The following CAMK2B variants were observed in gnomAD, a reference collection of about 807,000 sequenced individuals.
CAMK2B encodes the protein calcium/calmodulin dependent protein kinase II beta, also known as calcium/calmodulin-dependent protein kinase type II subunit beta.
Under a neutral mutation model 93.7 loss-of-function variants are expected in CAMK2B, and 27 were observed. The observed-to-expected ratio is 0.29, with a 90% CI of 0.21 to 0.40. CAMK2B has a LOEUF of 0.40. Among genes scored for constraint, CAMK2B ranks in the 10% least tolerant of loss-of-function variants. The probability of loss-of-function intolerance (pLI) is 1.00; values close to 1 mark genes in which losing one functional copy is unlikely to be tolerated. For synonymous variants in CAMK2B, 374 were observed against 358.8 expected (o/e 1.04, Z -0.48); for missense variants, 568 against 895.8 (o/e 0.63, Z 4.67).
chr7:44,246,012 G>A lies in CAMK2B; in HGVS notation c.414+1108C>T, dbSNP rs189706763. 6.4e-4 allele frequency among the ~76,000 whole-genome samples: 97 copies of A among 152,270 alleles called. 2 individuals carry two copies. In the East Asian group the frequency reaches 8.3e-3, roughly 13 times the overall value. On this transcript the variant is annotated intron_variant, in intron 6 of 23. Transcript: ENST00000395749. Reference sequence around the variant, plus strand: ...GAAGGGAGAGAGGAAGGAGCAGAGAGACAGCTAAGCTTCTGAGAGGCCACC... The same window carrying A: ...GAAGGGAGAGAGGAAGGAGCAGAGAAACAGCTAAGCTTCTGAGAGGCCACC...
intron 1 of CAMK2B, among the ~76,000 whole-genome samples, chr7:44,324,319 G>A (rs1429953464): frequency 6.6e-6 from 1 of 152,184 alleles, no homozygotes. Context: ...GGGGGAGGAC[G>A]CAGGAGGATG....
At chr7:44,245,078 A>T (rs750314911) in intron 6 of CAMK2B, 1 of 413,034 alleles carries the variant, frequency 2.4e-6, no homozygotes, top group Non-Finnish European at 4.9e-6. Context: ...AGCCCAGAGC[A>T]GACTTGCTGC....
Position 44,226,664 on chromosome 7 carries a change from A to G in CAMK2B, c.1469-20T>C. 1.3e-6 allele frequency: 2 copies of G among 1,522,372 alleles called. No homozygotes were observed. The allele number at this position is 1,522,372 out of a possible 1,614,324, so 94.3% of individuals were successfully genotyped here. ...TGGGGGCTGGGGCGGAACAGACGAG[A>G]CGTGAACACAAGGCAGGCACGGGGG... is the stretch of plus-strand genomic sequence containing the variant. On this transcript the variant is annotated intron_variant, in intron 19 of 23. Coordinates refer to ENST00000395749, the MANE Select transcript of CAMK2B (RefSeq NM_001220.5).
In CAMK2B at chr7:44,222,983, G is replaced by A. The variant is rs116163907; in HGVS notation, c.1598-2082C>T. On this transcript the variant is annotated intron_variant, in intron 20 of 23. Transcript: ENST00000395749. ...TGCACAGTGACAGCAGGAGGAGCCCGATGGCACCTGAGGAGTGGGGTGCAC... is the reference window on the plus strand; with the variant it reads ...TGCACAGTGACAGCAGGAGGAGCCCAATGGCACCTGAGGAGTGGGGTGCAC... 1.5e-3 allele frequency among the ~76,000 whole-genome samples: 236 copies of A among 152,330 alleles called. 1 individual carries two copies. The highest frequency in any genetic ancestry group is 5.5e-3 in the African/African-American group (228 of 41,566).
rs148742945 is a variant in CAMK2B at position 44,229,855 on chromosome 7, G to A, written c.1226-354C>T. On this transcript the variant is annotated intron_variant, in intron 17 of 23. Coordinates refer to ENST00000395749, the MANE Select transcript of CAMK2B (RefSeq NM_001220.5). ...CAGAGGCCAGGCGCACGGAGAGGGAGTGACAGTCATCGTAGGGGCATGATG... is the reference window on the plus strand; with the variant it reads ...CAGAGGCCAGGCGCACGGAGAGGGAATGACAGTCATCGTAGGGGCATGATG... The A allele has an allele frequency of 2.8e-3, 601 of 212,274 alleles. 6 individuals carry two copies. Among genetic ancestry groups the A allele is most frequent in the African/African-American group, 0.013 (582 of 43,818 alleles). The allele number at this position is 212,274 out of a possible 1,614,324, so 13.1% of individuals were successfully genotyped here. A position where few individuals can be genotyped will look rare whatever the true frequency, so the allele number is the denominator to read the frequency against.
chr7:44,254,539 C>A lies in CAMK2B; in HGVS notation c.341+3G>T. On this transcript the variant is annotated splice_donor_region_variant and intron_variant, in intron 5 of 23. Transcript: ENST00000395749. ...CAGGACAGCGTGAGGGCTCTGCACC[C>A]ACCTGGCATCAGCCTCGCTGTAGTA... is the stretch of plus-strand genomic sequence containing the variant. 1 of 1,609,578 alleles carries A rather than the reference C, an allele frequency of 6.2e-7. No individual in the cohort carries two copies. Among genetic ancestry groups the A allele is most frequent in the South Asian group, 1.1e-5 (1 of 90,974 alleles).
At chr7:44,278,154 C>T (rs1339985436) in intron 2 of CAMK2B, among the ~76,000 whole-genome samples, 3 of 152,142 alleles carry the variant, frequency 2.0e-5, no homozygotes, top group Non-Finnish European at 2.9e-5. Context: ...GTGGGACGAT[C>T]CAGGACAGCT....
chr7:44,323,133 T>C (rs563216742), intron 1 of CAMK2B, among the ~76,000 whole-genome samples: 11 of 152,240 alleles, frequency 7.2e-5, no homozygotes, highest in Admixed American at 5.9e-4. Flanking sequence ...GTCCCTTCCC[T>C]ACCCAAGAGC....
In CAMK2B at chr7:44,220,868, T is replaced by C; in HGVS notation, c.1631A>G (p.Gln544Arg). 6.4e-7 allele frequency: 1 copy of C among 1,573,302 alleles called. No homozygotes were observed. Residue 544 changes from glutamine (Q) to arginine (R), a missense_variant, in exon 21 of 24, where the codon CAG becomes CGG. Gln to Arg is a conservative substitution (Grantham distance 43). This residue lies in a region of CAMK2B where 116 missense variants were observed against 188.0 expected (regional missense o/e 0.62). Coordinates refer to ENST00000395749, the MANE Select transcript of CAMK2B (RefSeq NM_001220.5). ...RKQEIIKTTE[Q>R]LIEAVNNGDF... The stretch of plus-strand genomic sequence containing the variant: ...ACCGTTGTTGACGGCCTCGATGAGC[T>C]GCTCCGTGGTCTTAATGATCTCCTG...
rs542942171 is a variant in CAMK2B at position 44,228,889 on chromosome 7, T to C, written c.1375A>G (p.Arg459Gly). 1.1e-5 allele frequency: 18 copies of C among 1,598,700 alleles called. No individual in the cohort carries two copies. In the East Asian group the frequency reaches 2.7e-4, roughly 24 times the overall value. The change falls in exon 19 of 24, where the codon AGG (arginine) becomes GGG (glycine). Residue 459 changes from arginine (R) to glycine (G), a missense_variant. Transcript: ENST00000395749. ...TCGGCTTCTGGGGTTCCTGAACCCC[T>C]TCTCACAGAGTTCAGGATGTCAGAG... Reference protein sequence around the residue: ...RISDILNSVRRGSGTPEAEGP... With the variant: ...RISDILNSVRGGSGTPEAEGP...
chr7:44,243,241 A>G lies in CAMK2B; in HGVS notation c.601+9T>C. The G allele has an allele frequency of 6.2e-7, 1 of 1,610,522 alleles. No homozygotes were observed. The highest frequency in any genetic ancestry group is 8.5e-7 in the Non-Finnish European group (1 of 1,176,928). On this transcript the variant is annotated intron_variant, in intron 8 of 23. Transcript: ENST00000395749. Reference sequence around the variant, plus strand: ...GCCCTGCCCCGCACCAACTCAGGCCAGGCCTCACCACATGCCCAGATGTCC... The same window carrying G: ...GCCCTGCCCCGCACCAACTCAGGCCGGGCCTCACCACATGCCCAGATGTCC...
At chr7:44,222,243 C>T (rs901085695) in intron 20 of CAMK2B, among the ~76,000 whole-genome samples, 15 of 152,214 alleles carry the variant, frequency 9.9e-5, no homozygotes, top group African/African-American at 1.7e-4. Flanking sequence ...GCACTCCCAG[C>T]ACTGCGCTCT....
Position 44,284,159 on chromosome 7 carries a change from G to A in CAMK2B, c.132C>T (p.Ile44=). 6.2e-7 allele frequency: 1 copy of A among 1,613,830 alleles called. No homozygotes were observed. Among genetic ancestry groups the A allele is most frequent in the South Asian group, 1.1e-5 (1 of 91,054 alleles). Residue 44 remains isoleucine (I), a synonymous_variant, in exon 2 of 24, where the codon ATC becomes ATT. Coordinates refer to ENST00000395749, the MANE Select transcript of CAMK2B (RefSeq NM_001220.5). ...TGGCTGACAGCTTCTTGGTGTTGAT[G>A]ATCTTGGCTGCATACTCATGGCCGG... The part of the protein sequence containing the change: ...LCTGHEYAAK[I]INTKKLSARD...
intron 2 of CAMK2B, among the ~76,000 whole-genome samples, chr7:44,273,486 G>A (rs961017725): frequency 7.2e-5 from 11 of 152,174 alleles, no homozygotes; most frequent in Non-Finnish European, 1.2e-4. Context: ...CCCCCACAGG[G>A]CAGGCACAGT....
At chr7:44,258,764 G>A in intron 4 of CAMK2B, 108 bp downstream of exon 4, 1 of 976,182 alleles carries the variant, frequency 1.0e-6, no homozygotes, top group Non-Finnish European at 1.6e-6. Context: ...CAAGGGAGTG[G>A]CCAGCCCACG....
chr7:44,247,871 T>C (rs2096746538), intron 5 of CAMK2B, among the ~76,000 whole-genome samples: 1 of 151,976 alleles, frequency 6.6e-6, no homozygotes, highest in South Asian at 2.1e-4. Flanking sequence ...CTACTAAAAA[T>C]ACAAAAATTA....
chr7:44,260,186 G>A (rs538817108), intron 3 of CAMK2B, among the ~76,000 whole-genome samples: 1 of 145,034 alleles, frequency 6.9e-6, no homozygotes, highest in Non-Finnish European at 1.6e-5. Context: ...GCAGGTCCCT[G>A]GGCCTCAGGC....
chr7:44,298,182 G>A (rs548300607), intron 1 of CAMK2B, among the ~76,000 whole-genome samples: 29 of 152,150 alleles, frequency 1.9e-4, no homozygotes, highest in Admixed American at 9.8e-4. Flanking sequence ...GTCTGACACC[G>A]GCATAAGGAC....
chr7:44,267,832 G>C (rs1406902169), intron 2 of CAMK2B, among the ~76,000 whole-genome samples: 1 of 152,222 alleles, frequency 6.6e-6, no homozygotes, highest in Admixed American at 6.5e-5. Flanking sequence ...CTAAACCGGA[G>C]CCTGCAATTA....
Sources: gnomAD v4.1 joint callset for allele counts (sites outside exome capture counted in the v4.1 genomes callset) on GRCh38, gnomAD v4.1.1 for gene constraint, gnomAD v4.1.1 regional missense constraint, MANE v1.5 for transcripts, NCBI Gene and HGNC (gene_info 2026-07-23, HGNC 2026-07-21) for gene names.